Variants in KCNQ2 observed in about 807,000 individuals in gnomAD.
The protein encoded by KCNQ2 is potassium voltage-gated channel subfamily KQT member 2.
KCNQ2 carries 14 observed loss-of-function variants against 84.8 expected under a neutral mutation model. The ratio of observed to expected loss-of-function variants is 0.17; its 90% CI spans 0.11 to 0.26. The LOEUF is 0.26. KCNQ2 is among the 10% of genes least tolerant of loss of function. The probability of loss-of-function intolerance (pLI) is 1.00; values close to 1 mark genes in which losing one functional copy is unlikely to be tolerated. For missense variants in KCNQ2, 788 were observed against 1,254.0 expected (o/e 0.63, Z 5.61); for synonymous variants, 599 against 554.1 (o/e 1.08, Z -1.14).
chr20:63,407,145 G>A lies in KCNQ2; in HGVS notation c.2118C>T (p.Ala706=), dbSNP rs777993694. 2.2e-5 allele frequency: 35 copies of A among 1,577,462 alleles called. No individual in the cohort carries two copies. The highest frequency in any genetic ancestry group is 2.7e-5 in the African/African-American group (2 of 74,216). ...AGGGCGGACACTGGACAGGGGGCGC[G>A]GCCGGGGGCGCCGAGAAGTTCTTCT... ...TGQKNFSAPP[A]APPVQCPPST... Residue 706 remains alanine (A), a synonymous_variant, in exon 17 of 17, where the codon GCC becomes GCT. Transcript: ENST00000359125. This position sits in a 1 kb window ranked among gnomAD's most constrained non-coding sequence, Gnocchi z 7.2.
chr20:63,458,741 C>T lies in KCNQ2; in HGVS notation c.297-11904G>A, dbSNP rs371199483. 4.6e-5 allele frequency among the ~76,000 whole-genome samples: 7 copies of T among 152,274 alleles called. No individual in the cohort carries two copies. The East Asian group carries it at 1.4e-3, about 30-fold the overall frequency. ...AGGCGTCTCCCCACATCCAGGCAGG[C>T]GGCAGCCAAGACCCTGCCCTGGCCA... On this transcript the variant is annotated intron_variant, in intron 1 of 16. Transcript: ENST00000359125.
intron 1 of KCNQ2, among the ~76,000 whole-genome samples, chr20:63,469,108 T>C (rs1600873920): frequency 1.3e-5 from 2 of 152,190 alleles, no homozygotes; most frequent in East Asian, 3.9e-4. Context: ...TCCAGTCCTA[T>C]GCGCAGATGG....
At chr20:63,433,630 T>C in intron 8 of KCNQ2, 179 bp downstream of exon 8, 1 of 1,183,550 alleles carries the variant, frequency 8.4e-7, no homozygotes. Flanking sequence ...GCCGCAGCTC[T>C]AACACAAAGG....
chr20:63,464,426 G>A (rs956580975), intron 1 of KCNQ2, among the ~76,000 whole-genome samples: 1 of 152,076 alleles, frequency 6.6e-6, no homozygotes, highest in Admixed American at 6.5e-5. Context: ...ACAACAGAAG[G>A]GACATGAAGC....
chr20:63,457,643 G>A (rs2081837826), intron 1 of KCNQ2, among the ~76,000 whole-genome samples: 1 of 152,238 alleles, frequency 6.6e-6, no homozygotes, highest in African/African-American at 2.4e-5. Flanking sequence ...AGGAGTGGAG[G>A]AGCTGGAGGC....
Position 63,423,005 on chromosome 20 carries a change from C to T in KCNQ2, c.1247+1172G>A, listed in dbSNP as rs908894634. Reference sequence around the variant, plus strand: ...TCATCCCCACAGCCACTCCCAGCCTCAGGGCCAGCAGCAGGGGCGGGGGAG... The same window carrying T: ...TCATCCCCACAGCCACTCCCAGCCTTAGGGCCAGCAGCAGGGGCGGGGGAG... On this transcript the variant is annotated intron_variant, in intron 11 of 16. Transcript: ENST00000359125. Among the ~76,000 whole-genome samples the T allele has an allele frequency of 4.6e-5, 7 of 152,202 alleles. No homozygotes were observed. In the East Asian group the frequency reaches 1.4e-3, roughly 29 times the overall value.
rs562946995 is a variant in KCNQ2 at position 63,409,553 on chromosome 20, T to TA, written c.1764-1018dup. On this transcript the variant is annotated intron_variant, in intron 15 of 16. Transcript: ENST00000359125. ...TCACTTGGAAACAAAGACCCTGCAG[T>TA]AAGTCTACAAAAGCCCAGCTGGACA... Among the ~76,000 whole-genome samples, 30 of 152,274 alleles carry TA rather than the reference T, an allele frequency of 2.0e-4. No individual in the cohort carries two copies. The South Asian group carries it at 6.2e-3, about 32-fold the overall frequency.
chr20:63,428,548 G>A (rs551477222), intron 9 of KCNQ2, 113 bp from the exon 10 acceptor site: 81 of 904,544 alleles, frequency 9.0e-5, no homozygotes, highest in South Asian at 2.8e-4. Flanking sequence ...GACACCCGGC[G>A]GCATGTGACG....
intron 2 of KCNQ2, chr20:63,445,725 G>A: frequency 3.4e-6 from 1 of 291,732 alleles, no homozygotes; most frequent in Non-Finnish European, 6.2e-6. Flanking sequence ...TGAGCTGGGA[G>A]GCCCTGTCTG....
intron 1 of KCNQ2, among the ~76,000 whole-genome samples, chr20:63,467,190 C>T (rs994646336): frequency 6.6e-6 from 1 of 152,186 alleles, no homozygotes; most frequent in Non-Finnish European, 1.5e-5. Context: ...CCCTCCCCTG[C>T]CTCTGGGCAA....
rs183167753 is a variant in KCNQ2, at chr20:63,441,323, T to C, written c.816+1083A>G. On this transcript the variant is annotated intron_variant, in intron 5 of 16. Coordinates refer to ENST00000359125, the MANE Select transcript of KCNQ2 (RefSeq NM_172107.4). ...GCGTTTGAATCAGGAAATACCAGCA[T>C]CCCTATTTGCTATTTAAGACTAATC... is the stretch of plus-strand genomic sequence containing the variant. 1.4e-3 allele frequency among the ~76,000 whole-genome samples: 210 copies of C among 151,320 alleles called. 2 individuals carry two copies. The highest frequency in any genetic ancestry group is 4.8e-3 in the African/African-American group (198 of 41,178).
chr20:63,438,323 C>T lies in KCNQ2; in HGVS notation c.1023+302G>A, dbSNP rs950680556. 14 of 503,468 alleles carry T rather than the reference C, an allele frequency of 2.8e-5. No individual in the cohort carries two copies. Among genetic ancestry groups the T allele is most frequent in the South Asian group, 1.2e-4 (6 of 48,554 alleles). 31.2% of individuals were successfully genotyped at this position (503,468 alleles called of 1,614,324 possible). On this transcript the variant is annotated intron_variant, in intron 7 of 16. Transcript: ENST00000359125. This position sits in a 1 kb window ranked among gnomAD's most constrained non-coding sequence, Gnocchi z 5.1. The stretch of plus-strand genomic sequence containing the variant: ...GAGCCTTGGCCCTGCAGCTGCAGAA[C>T]GGGTGTGCTCACCTCCCAGGGTGCG...
chr20:63,442,508 G>A lies in KCNQ2; in HGVS notation c.714C>T (p.Ile238=), dbSNP rs147882199. 13,959 of 1,613,450 alleles carry A rather than the reference G, an allele frequency of 8.7e-3. 1,100 individuals are homozygous for A. The South Asian group carries it at 0.14, about 16-fold the overall frequency. The change falls in exon 5 of 17, where the codon ATC becomes ATT. Residue 238 remains isoleucine (I), a synonymous_variant. Transcript: ENST00000359125. ...AGGCCAGGATGAGACAAAGGAAGCC[G>A]ATGTACCAGGCAGTGACCAGCTCCT... The part of the protein sequence containing the change: ...HSKELVTAWY[I]GFLCLILASF...
chr20:63,439,460 C>A (rs2081093968), intron 6 of KCNQ2, 138 bp downstream of exon 6: 1 of 714,064 alleles, frequency 1.4e-6, no homozygotes, highest in South Asian at 1.5e-5. Context: ...ACCTCCAGCT[C>A]CTGGGGGCTG....
chr20:63,411,434 G>T (rs920008739), intron 15 of KCNQ2, among the ~76,000 whole-genome samples: 1 of 152,212 alleles, frequency 6.6e-6, no homozygotes, highest in African/African-American at 2.4e-5. Context: ...CCAGAGGGAT[G>T]TCTGTGCAGG....
At chr20:63,466,270 C>CG (rs2082079503) in intron 1 of KCNQ2, among the ~76,000 whole-genome samples, 1 of 151,964 alleles carries the variant, frequency 6.6e-6, no homozygotes, top group Non-Finnish European at 1.5e-5. Context: ...CCCCGCGCTT[C>CG]AACCCACGAC....
At chr20:63,431,680 C>T (rs1482999936) in intron 8 of KCNQ2, among the ~76,000 whole-genome samples, 1 of 152,088 alleles carries the variant, frequency 6.6e-6, no homozygotes, top group Non-Finnish European at 1.5e-5. Flanking sequence ...CTGCAAACAT[C>T]GAGGACCGCC....
At position 63,439,259 on chromosome 20, in the gene KCNQ2, G is replaced by A. The variant is rs546477604; in HGVS notation, c.927+339C>T. Among the ~76,000 whole-genome samples, 9 of 152,302 alleles carry A rather than the reference G, an allele frequency of 5.9e-5. No homozygotes were observed. The South Asian group carries it at 1.5e-3, about 25-fold the overall frequency. ...CCTCACTGCCTAGAGACCCATGAGG[G>A]ACCTGTGTCACCAGCCGCCCTGCTC... On this transcript the variant is annotated intron_variant, in intron 6 of 16. Coordinates refer to ENST00000359125, the MANE Select transcript of KCNQ2 (RefSeq NM_172107.4).
chr20:63,431,431 A>C, intron 8 of KCNQ2, 62 bp from the exon 9 acceptor site: 1 of 1,551,822 alleles, frequency 6.4e-7, no homozygotes, highest in Non-Finnish European at 8.9e-7. Context: ...AGAACGGGAT[A>C]AGAAAAAGAA....
Sources: gnomAD v4.1 joint callset for allele counts (sites outside exome capture counted in the v4.1 genomes callset) on GRCh38, gnomAD v4.1.1 for gene constraint, Gnocchi (gnomAD v3.1) non-coding constraint, MANE v1.5 for transcripts, NCBI Gene and HGNC (gene_info 2026-07-23, HGNC 2026-07-21) for gene names.